The following LAMA2 variants were observed in gnomAD, a reference collection of about 807,000 sequenced individuals.
LAMA2 encodes laminin subunit alpha 2.
In LAMA2, 269 loss-of-function variants were observed where a neutral mutation model predicts 364.8. That is an observed-to-expected ratio of 0.74 (90% CI 0.67 to 0.82). The LOEUF (loss-of-function observed/expected upper bound fraction) is 0.82, where lower values mean the gene tolerates loss of function less well. Among genes scored for constraint, LAMA2 ranks in the 40% least tolerant of loss-of-function variants. LAMA2 has a pLI of 0.00. For synonymous variants in LAMA2, 1,379 were observed against 1,370.6 expected, an observed-to-expected ratio of 1.01 and a Z score of -0.14; for missense variants, 3,807 against 3,873.2, an observed-to-expected ratio of 0.98 and a Z score of 0.45.
intron 1 of LAMA2, among the ~76,000 whole-genome samples, chr6:129,004,392 T>A: frequency 9.8e-6 from 1 of 101,536 alleles, no homozygotes; most frequent in East Asian, 4.2e-4. Flanking sequence ...ACCCTAAAAC[T>A]TAGAGTATAA....
At chr6:129,022,096 T>A (rs1426672727) in intron 1 of LAMA2, among the ~76,000 whole-genome samples, 1 of 152,190 alleles carries the variant, frequency 6.6e-6, no homozygotes, top group Admixed American at 6.5e-5. Context: ...CATTACTGAG[T>A]GGTGAAGACT....
chr6:128,900,264 G>T (rs974007296), intron 1 of LAMA2, among the ~76,000 whole-genome samples: 1 of 152,102 alleles, frequency 6.6e-6, no homozygotes, highest in Non-Finnish European at 1.5e-5. Context: ...AAAATAAGGC[G>T]GAGCTGGCCC....
chr6:129,103,887 G>C (rs1257464928), intron 4 of LAMA2, among the ~76,000 whole-genome samples: 1 of 151,984 alleles, frequency 6.6e-6, no homozygotes, highest in South Asian at 2.1e-4. Flanking sequence ...TATTTACTGT[G>C]ATTTGTAATG....
At chr6:128,970,228 T>C (rs1437079044) in intron 1 of LAMA2, among the ~76,000 whole-genome samples, 1 of 152,178 alleles carries the variant, frequency 6.6e-6, no homozygotes, top group Non-Finnish European at 1.5e-5. Flanking sequence ...TTTTGTTTAA[T>C]CAATAATTCC....
At chr6:128,992,081 A>G (rs1783643545) in intron 1 of LAMA2, among the ~76,000 whole-genome samples, 1 of 152,218 alleles carries the variant, frequency 6.6e-6, no homozygotes, top group African/African-American at 2.4e-5. Flanking sequence ...GCATTTATAG[A>G]TGTAGCATTC....
chr6:129,469,042 T>C (rs1286947059), intron 51 of LAMA2, among the ~76,000 whole-genome samples: 1 of 151,896 alleles, frequency 6.6e-6, no homozygotes, highest in Non-Finnish European at 1.5e-5. Context: ...CATGAATTAT[T>C]TGGGCAGCTG....
At chr6:129,131,069 T>C (rs2114935894) in intron 4 of LAMA2, among the ~76,000 whole-genome samples, 1 of 152,360 alleles carries the variant, frequency 6.6e-6, no homozygotes, top group African/African-American at 2.4e-5. Context: ...AACAACCTAT[T>C]ATAAATTCTT....
chr6:129,267,114 G>T lies in LAMA2; in HGVS notation c.2217G>T (p.Trp739Cys), dbSNP rs192317605. The T allele has an allele frequency of 3.7e-4, 595 of 1,608,450 alleles. 3 individuals are homozygous for T. In the East Asian group the frequency reaches 9.9e-3, roughly 27 times the overall value. ...CCTTATCTTTCTCTCAGTCTTGTTG[G>T]CCTAGGCACAGGCGAGTTAACGGCA... is the stretch of plus-strand genomic sequence containing the variant. Reference protein sequence around the residue: ...GYTGSSCESCWPRHRRVNGTI... With the variant: ...GYTGSSCESCCPRHRRVNGTI... The change falls in exon 16 of 65, where the codon TGG becomes TGT. Residue 739 changes from tryptophan to cysteine, a missense_variant. Coordinates refer to ENST00000421865, the MANE Select transcript of LAMA2 (RefSeq NM_000426.4).
chr6:129,315,573 T>C lies in LAMA2; in HGVS notation c.3653T>C (p.Val1218Ala). Residue 1218 changes from valine (V) to alanine (A), a missense_variant, in exon 25 of 65, where the codon GTT becomes GCT. Val to Ala is a moderately conservative substitution (Grantham distance 64, BLOSUM62 0). This residue lies in a region of LAMA2 where 3,333 missense variants were observed against 3,345.7 expected (regional missense o/e 1.00). Transcript: ENST00000421865. ...KGIVFQHPEI[V>A]AHMDLMREDL... ...ATTGTTTTTCAACATCCAGAGATTG[T>C]TGCCCACATGGACCTGATGAGAGAA... 6.2e-7 allele frequency: 1 copy of C among 1,614,184 alleles called. No individual in the cohort carries two copies. Among genetic ancestry groups the C allele is most frequent in the Non-Finnish European group, 8.5e-7 (1 of 1,180,020 alleles).
At chr6:129,040,141 T>A (rs1786986433) in intron 1 of LAMA2, among the ~76,000 whole-genome samples, 1 of 152,244 alleles carries the variant, frequency 6.6e-6, no homozygotes, top group South Asian at 2.1e-4. Flanking sequence ...TAACATTTTC[T>A]GGTTTCTGTG....
At position 129,241,226 on chromosome 6, in the gene LAMA2, T is replaced by C. The variant is rs145012568; in HGVS notation, c.1783-8886T>C. Among the ~76,000 whole-genome samples, 384 of 152,334 alleles carry C rather than the reference T, an allele frequency of 2.5e-3. 1 individual carries two copies. The highest frequency in any genetic ancestry group is 0.01 in the Middle Eastern group (3 of 294). ...GTGATTAAAATTCAGCAGATACTTA[T>C]GCAAGATCTACTATCTATAAGATGC... is the stretch of plus-strand genomic sequence containing the variant. On this transcript the variant is annotated intron_variant, in intron 12 of 64. Transcript: ENST00000421865.
intron 40 of LAMA2, among the ~76,000 whole-genome samples, chr6:129,427,090 A>G (rs987126037): frequency 1.3e-5 from 2 of 152,332 alleles, no homozygotes; most frequent in Admixed American, 1.3e-4. Context: ...TTCCCATATC[A>G]TTCTATTAAC....
rs199726173 is a variant in LAMA2, at chr6:129,256,763, C to CATATATATATAT, written c.2097-3922_2097-3911dup. On this transcript the variant is annotated intron_variant, in intron 14 of 64. Transcript: ENST00000421865. Reference sequence around the variant, plus strand: ...TATATATAAAAAACAAATTATATAGCATATATATATATATATATATATATA... The same window carrying CATATATATATAT: ...TATATATAAAAAACAAATTATATAGCATATATATATATATATATATATATATATATATATATA... Among the ~76,000 whole-genome samples the CATATATATATAT allele has an allele frequency of 2.4e-3, 208 of 87,896 alleles. 6 individuals are homozygous for CATATATATATAT. Among genetic ancestry groups the CATATATATATAT allele is most frequent in the Non-Finnish European group, 3.4e-3 (151 of 44,202 alleles). The allele number at this position is 87,896 out of a possible 152,430, so 57.7% of individuals were successfully genotyped here.
chr6:129,185,402 A>G (rs1398684004), intron 10 of LAMA2, among the ~76,000 whole-genome samples: 1 of 151,910 alleles, frequency 6.6e-6, no homozygotes, highest in Non-Finnish European at 1.5e-5. Context: ...TTCTAATTCA[A>G]CTTTGTTTTT....
At chr6:129,192,899 C>A (rs376463467) in intron 12 of LAMA2, 46 bp downstream of exon 12, 70 of 1,561,476 alleles carry the variant, frequency 4.5e-5, no homozygotes, top group Middle Eastern at 1.7e-4. Context: ...ACTGACTGAT[C>A]GTGAGAATGG....
In LAMA2 at chr6:129,225,989, A is replaced by C. The variant is rs185084941; in HGVS notation, c.1783-24123A>C. 7.0e-3 allele frequency among the ~76,000 whole-genome samples: 1,059 copies of C among 152,214 alleles called. 6 individuals are homozygous for C. The highest frequency in any genetic ancestry group is 0.016 in the South Asian group (77 of 4,818). On this transcript the variant is annotated intron_variant, in intron 12 of 64. Transcript: ENST00000421865. ...AGTCTAAGTCTCTTTGTAGGTCTCT[A>C]AGGACTTGCTTTATGAATCTGAGTG...
intron 28 of LAMA2, among the ~76,000 whole-genome samples, chr6:129,324,064 C>T (rs1775125300): frequency 6.6e-6 from 1 of 152,320 alleles, no homozygotes; most frequent in Middle Eastern, 3.4e-3. Flanking sequence ...TTTATCACTT[C>T]TGTTGCACAC....
rs58772123 is a variant in LAMA2, at chr6:128,961,318, G to GATATATATAT, written c.112+78002_112+78011dup. 4.0e-3 allele frequency among the ~76,000 whole-genome samples: 232 copies of GATATATATAT among 57,670 alleles called. 3 individuals are homozygous for GATATATATAT. The highest frequency in any genetic ancestry group is 5.6e-3 in the Non-Finnish European group (152 of 26,906). 37.8% of individuals were successfully genotyped at this position (57,670 alleles called of 152,430 possible). A position where few individuals can be genotyped will look rare whatever the true frequency, so the allele number is the denominator to read the frequency against. On this transcript the variant is annotated intron_variant, in intron 1 of 64. Transcript: ENST00000421865. ...TTCTGTAGAGGGACAGAACTAATAT[G>GATATATATAT]ATATATATATATATATATATATATA...
chr6:129,240,420 C>T (rs1785320537), intron 12 of LAMA2, among the ~76,000 whole-genome samples: 1 of 152,194 alleles, frequency 6.6e-6, no homozygotes, highest in Non-Finnish European at 1.5e-5. Flanking sequence ...CCACTATGAA[C>T]AGTGAGATTT....
Sources: allele counts gnomAD v4.1 joint callset (sites outside exome capture counted in the v4.1 genomes callset), GRCh38; gene constraint gnomAD v4.1.1; regional missense constraint gnomAD v4.1.1; transcripts MANE v1.5; gene names NCBI Gene and HGNC (gene_info 2026-07-23, HGNC 2026-07-21).